PM20D2: variants seen among roughly 807,000 people sequenced by gnomAD.
The protein encoded by PM20D2 is peptidase M20 domain containing 2.
Under a neutral mutation model 42.9 loss-of-function variants are expected in PM20D2, and 33 were observed. That is an observed-to-expected ratio of 0.77 (90% CI 0.58 to 1.03). The LOEUF is 1.03. Among genes scored for constraint, PM20D2 ranks in the 50% least tolerant of loss-of-function variants. The pLI is 0.00. For synonymous variants in PM20D2, 250 were observed against 228.2 expected (o/e 1.10, Z -0.86); for missense variants, 548 against 557.0 (o/e 0.98, Z 0.16).
chr6:89,104,413 T>C, the PM20D2 span, among the ~76,000 whole-genome samples: 5 of 151,962 alleles, frequency 3.3e-5, no homozygotes, highest in African/African-American at 4.8e-5. Context: ...AATTTTTGTA[T>C]TTTTAGTAGA....
chr6:89,111,761 T>G, the PM20D2 span, among the ~76,000 whole-genome samples: 10 of 152,206 alleles, frequency 6.6e-5, no homozygotes, highest in African/African-American at 2.2e-4. Context: ...ATGTTAGCTA[T>G]GTTTTTTATA....
chr6:89,133,546 C>G, the PM20D2 span, among the ~76,000 whole-genome samples: 5 of 151,120 alleles, frequency 3.3e-5, no homozygotes, highest in East Asian at 7.7e-4. Flanking sequence ...CTCCTGCCTC[C>G]TTTATGCCTG....
In PM20D2 at chr6:89,146,603, C is replaced by A; in HGVS notation, c.459C>A (p.Pro153=). 6.9e-7 allele frequency: 1 copy of A among 1,440,994 alleles called. No homozygotes were observed. The highest frequency in any genetic ancestry group is 1.4e-5 in the South Asian group (1 of 72,064). The allele number at this position is 1,440,994 out of a possible 1,614,324, so 89.3% of individuals were successfully genotyped here. A position where few individuals can be genotyped will look rare whatever the true frequency, so the allele number is the denominator to read the frequency against. ...ALEGLPRPPP[P]VKVVVLGTPA... Reference sequence around the variant, plus strand: ...AGGGCCTCCCCAGGCCGCCTCCGCCCGTGAAGGTGAGGTGGGGCCCGGGTG... The same window carrying A: ...AGGGCCTCCCCAGGCCGCCTCCGCCAGTGAAGGTGAGGTGGGGCCCGGGTG... Residue 153 remains proline (P), a synonymous_variant, in exon 1 of 7, where the codon CCC becomes CCA. Transcript: ENST00000275072.
chr6:89,120,263 T>C, the PM20D2 span, among the ~76,000 whole-genome samples: 1 of 152,172 alleles, frequency 6.6e-6, no homozygotes, highest in African/African-American at 2.4e-5. Context: ...TCCAGTTCTA[T>C]CTCTTATAAG....
chr6:89,114,262 T>C, the PM20D2 span, among the ~76,000 whole-genome samples: 4 of 152,256 alleles, frequency 2.6e-5, no homozygotes, highest in South Asian at 4.1e-4. Context: ...ACCCCGTCTC[T>C]ACTAAAAATA....
At chr6:89,105,121 T>C in the PM20D2 span, 3 of 1,611,512 alleles carry the variant, frequency 1.9e-6, no homozygotes, top group Non-Finnish European at 2.5e-6. Flanking sequence ...ATACTCACTC[T>C]TTAAGGCTGT....
At chr6:89,109,402 A>T in the PM20D2 span, among the ~76,000 whole-genome samples, 1 of 152,182 alleles carries the variant, frequency 6.6e-6, no homozygotes. Flanking sequence ...ATGAAAAAAG[A>T]ATACATTACT....
At chr6:89,156,735 A>G (rs1771061725) in intron 4 of PM20D2, among the ~76,000 whole-genome samples, 1 of 152,180 alleles carries the variant, frequency 6.6e-6, no homozygotes, top group Admixed American at 6.5e-5. Context: ...TCAGATATGC[A>G]TGGGAAAGAC....
chr6:89,114,985 A>G, the PM20D2 span, among the ~76,000 whole-genome samples: 1 of 151,946 alleles, frequency 6.6e-6, no homozygotes, highest in Non-Finnish European at 1.5e-5. Flanking sequence ...TTTAGTAGAG[A>G]CGGTGTTTTA....
the PM20D2 span, among the ~76,000 whole-genome samples, chr6:89,115,772 G>A: frequency 1.2e-3 from 178 of 150,512 alleles, no homozygotes; most frequent in Non-Finnish European, 2.0e-3. Context: ...GAGCAGCTGG[G>A]ACTACAGGCA....
the PM20D2 span, among the ~76,000 whole-genome samples, chr6:89,117,591 C>T: frequency 6.6e-6 from 1 of 152,274 alleles, no homozygotes; most frequent in African/African-American, 2.4e-5. Context: ...GCCCGGGACA[C>T]GATGTGCGCG....
the PM20D2 span, among the ~76,000 whole-genome samples, chr6:89,134,207 C>T: frequency 1.3e-5 from 2 of 151,144 alleles, no homozygotes; most frequent in African/African-American, 4.9e-5. Context: ...TTGCCCCCAC[C>T]TAGAGCCATC....
intron 1 of PM20D2, among the ~76,000 whole-genome samples, chr6:89,147,705 A>C (rs1770643085): frequency 6.7e-6 from 1 of 150,236 alleles, no homozygotes; most frequent in African/African-American, 2.5e-5. Context: ...AACATGGTGA[A>C]ACCTCTGTCT....
intron 2 of PM20D2, among the ~76,000 whole-genome samples, chr6:89,150,697 G>A (rs1770803151): frequency 6.6e-6 from 1 of 150,960 alleles, no homozygotes; most frequent in East Asian, 2.0e-4. Context: ...GCGCCACCAC[G>A]CCCAGCTAAT....
At chr6:89,113,237 G>A in the PM20D2 span, among the ~76,000 whole-genome samples, 1 of 151,924 alleles carries the variant, frequency 6.6e-6, no homozygotes, top group Non-Finnish European at 1.5e-5. Flanking sequence ...TGCAGTGGCC[G>A]GTATTGGCTC....
chr6:89,156,134 T>G (rs913177548), intron 4 of PM20D2, among the ~76,000 whole-genome samples: 9 of 152,148 alleles, frequency 5.9e-5, no homozygotes, highest in Non-Finnish European at 1.3e-4. Flanking sequence ...TCCACCCACC[T>G]CAGCCTCCCA....
intron 2 of PM20D2, among the ~76,000 whole-genome samples, chr6:89,150,531 CTTTT>C (rs753768538): frequency 5.1e-5 from 3 of 59,394 alleles, no homozygotes; most frequent in African/African-American, 7.0e-5. Flanking sequence ...CTGATCATCT[CTTTT>C]TTTTTTTTTT....
At chr6:89,098,486 C>A in the PM20D2 span, 1 of 1,443,026 alleles carries the variant, frequency 6.9e-7, no homozygotes, top group Admixed American at 2.5e-5. Flanking sequence ...TATCAACTCG[C>A]ATTTTCTGTA....
chr6:89,100,090 G>A, the PM20D2 span, among the ~76,000 whole-genome samples: 1 of 152,160 alleles, frequency 6.6e-6, no homozygotes, highest in African/African-American at 2.4e-5. Flanking sequence ...CTAGAGAAGA[G>A]TGAATTAGAG....
Sources: gnomAD v4.1 joint callset for allele counts (sites outside exome capture counted in the v4.1 genomes callset) on GRCh38, gnomAD v4.1.1 for gene constraint, MANE v1.5 for transcripts, NCBI Gene and HGNC (gene_info 2026-07-23, HGNC 2026-07-21) for gene names.